The following KLF8 variants were observed in gnomAD, a reference collection of about 807,000 sequenced individuals.
The protein encoded by KLF8 is KLF transcription factor 8.
In KLF8, 10 loss-of-function variants were observed where a neutral mutation model predicts 18.2. That is an observed-to-expected ratio of 0.55 (90% CI 0.34 to 0.93). The LOEUF is 0.93. Ranked by LOEUF, KLF8 falls within the 40% of genes least tolerant of loss-of-function variation. The pLI is 0.02. For missense variants in KLF8, 264 were observed against 277.9 expected (o/e 0.95, Z 0.36); for synonymous variants, 109 against 97.3 (o/e 1.12, Z -0.71).
the KLF8 span, among the ~76,000 whole-genome samples, chrX:56,160,052 TG>T: frequency 8.9e-6 from 1 of 112,002 alleles, no homozygotes; most frequent in Non-Finnish European, 1.9e-5. Flanking sequence ...CTGTACACAC[TG>T]CTTTGAATGT....
chrX:56,272,230 A>T (rs978646831), intron 5 of KLF8, among the ~76,000 whole-genome samples: 87 of 109,185 alleles, frequency 8.0e-4, no homozygotes, highest in African/African-American at 2.5e-3. Context: ...TTTTTTTTTG[A>T]GACAGTTTTG....
chrX:56,118,381 CAGAA>C, the KLF8 span, among the ~76,000 whole-genome samples: 1 of 111,552 alleles, frequency 9.0e-6, no homozygotes, highest in Admixed American at 9.5e-5. Flanking sequence ...ATAAACAACT[CAGAA>C]AGTCAGATAA....
chrX:55,915,214 A>G, the KLF8 span, among the ~76,000 whole-genome samples: 1 of 111,673 alleles, frequency 9.0e-6, no homozygotes, highest in Non-Finnish European at 1.9e-5. Context: ...TACTATATCC[A>G]TTTGATAAAT....
chrX:56,064,420 G>A, the KLF8 span, among the ~76,000 whole-genome samples: 1 of 108,980 alleles, frequency 9.2e-6, no homozygotes, highest in Non-Finnish European at 1.9e-5. Context: ...CATGTGAAGT[G>A]AGTTTCTTGT....
the KLF8 span, among the ~76,000 whole-genome samples, chrX:56,045,910 C>T: frequency 9.0e-6 from 1 of 111,502 alleles, no homozygotes; most frequent in African/African-American, 3.3e-5. Context: ...AAGCAGGCAT[C>T]GTTGTCTCTT....
the KLF8 span, among the ~76,000 whole-genome samples, chrX:55,934,435 C>A: frequency 2.7e-5 from 3 of 112,012 alleles, no homozygotes; most frequent in Admixed American, 2.8e-4. Context: ...AGCAAAGATG[C>A]AATTGTCAGA....
chrX:55,922,626 C>T, the KLF8 span, among the ~76,000 whole-genome samples: 4 of 111,418 alleles, frequency 3.6e-5, no homozygotes, highest in African/African-American at 6.6e-5. Flanking sequence ...AAAATAAAAT[C>T]GAAAGAAAGA....
the KLF8 span, among the ~76,000 whole-genome samples, chrX:55,956,904 A>G: frequency 9.0e-6 from 1 of 111,714 alleles, no homozygotes; most frequent in African/African-American, 3.2e-5. Flanking sequence ...AGTATGATGT[A>G]CTTCCATTTG....
chrX:56,250,618 G>C (rs1485699388), intron 2 of KLF8, among the ~76,000 whole-genome samples: 1 of 111,739 alleles, frequency 8.9e-6, no homozygotes, highest in Non-Finnish European at 1.9e-5. Context: ...TAAATGCATT[G>C]TCTTATTTAA....
the KLF8 span, among the ~76,000 whole-genome samples, chrX:56,098,524 A>G: frequency 9.0e-6 from 1 of 111,730 alleles, no homozygotes. Flanking sequence ...ATTTGGCAAA[A>G]TTAAGTATCC....
At chrX:56,088,785 C>T in the KLF8 span, among the ~76,000 whole-genome samples, 4 of 111,237 alleles carry the variant, frequency 3.6e-5, no homozygotes, top group Non-Finnish European at 7.5e-5. Context: ...CCACAAGTCA[C>T]ACATGCTCCA....
the KLF8 span, among the ~76,000 whole-genome samples, chrX:56,184,437 G>A: frequency 0.11 from 11,869 of 112,375 alleles, 1,080 homozygotes; most frequent in African/African-American, 0.3. Context: ...CTCCACCTCT[G>A]GGGGCAAGGC....
the KLF8 span, among the ~76,000 whole-genome samples, chrX:56,037,779 A>G: frequency 9.9e-5 from 11 of 111,619 alleles, no homozygotes; most frequent in Non-Finnish European, 1.5e-4. Context: ...AGAATGGAGT[A>G]TCCATCCCCT....
chrX:55,927,240 G>A, the KLF8 span, among the ~76,000 whole-genome samples: 1 of 111,779 alleles, frequency 8.9e-6, no homozygotes, highest in Non-Finnish European at 1.9e-5. Context: ...AAGATGTTTA[G>A]CAGTATCCCT....
the KLF8 span, among the ~76,000 whole-genome samples, chrX:56,129,708 C>T: frequency 8.2e-5 from 9 of 109,691 alleles, no homozygotes; most frequent in Non-Finnish European, 1.5e-4. Context: ...AGTGCGCAGA[C>T]TCAACAGGCA....
At chrX:56,173,846 A>G in the KLF8 span, among the ~76,000 whole-genome samples, 97 of 111,401 alleles carry the variant, frequency 8.7e-4, no homozygotes, top group African/African-American at 3.1e-3. Context: ...TAGGTATTTT[A>G]TTCTCTTTGA....
the KLF8 span, among the ~76,000 whole-genome samples, chrX:56,105,129 T>G: frequency 8.9e-6 from 1 of 111,898 alleles, no homozygotes; most frequent in South Asian, 3.7e-4. Flanking sequence ...AGTGCTTTAC[T>G]TCCAATTATG....
chrX:56,252,545 A>G (rs1351067173), intron 2 of KLF8, among the ~76,000 whole-genome samples: 1 of 112,226 alleles, frequency 8.9e-6, no homozygotes, highest in Admixed American at 9.4e-5. Context: ...ATTGCAAATG[A>G]CAGGATCTCA....
the KLF8 span, among the ~76,000 whole-genome samples, chrX:56,226,636 T>G: frequency 8.9e-6 from 1 of 112,247 alleles, no homozygotes; most frequent in Non-Finnish European, 1.9e-5. Flanking sequence ...AGTATATTTG[T>G]GTATATTCTC....
Sources: gnomAD v4.1 joint callset for allele counts (sites outside exome capture counted in the v4.1 genomes callset) on GRCh38, gnomAD v4.1.1 for gene constraint, MANE v1.5 for transcripts, NCBI Gene and HGNC (gene_info 2026-07-23, HGNC 2026-07-21) for gene names.